LOC400499: variants seen among roughly 807,000 people sequenced by gnomAD.
the LOC400499 span, chr16:11,399,194 C>T: frequency 5.9e-3 from 5,803 of 985,046 alleles, 225 homozygotes; most frequent in African/African-American, 0.092. Context: ...CGCCCCCTCC[C>T]GAGAAGCCCC....
At chr16:11,487,944 T>C in the LOC400499 span, among the ~76,000 whole-genome samples, 2 of 151,878 alleles carry the variant, frequency 1.3e-5, no homozygotes, top group Non-Finnish European at 2.9e-5. Flanking sequence ...TGAAACCCCA[T>C]CTCCACTAAT....
At chr16:11,452,904 C>T in the LOC400499 span, among the ~76,000 whole-genome samples, 361 of 152,328 alleles carry the variant, frequency 2.4e-3, 1 homozygote, top group African/African-American at 8.3e-3. Context: ...CCAGTTACTC[C>T]AAAGGTGAAT....
At chr16:11,450,264 T>C in the LOC400499 span, among the ~76,000 whole-genome samples, 1 of 152,246 alleles carries the variant, frequency 6.6e-6, no homozygotes, top group African/African-American at 2.4e-5. Context: ...GTAGTCGGCA[T>C]CAAACCGACT....
chr16:11,415,181 AC>A, the LOC400499 span, among the ~76,000 whole-genome samples: 12 of 151,666 alleles, frequency 7.9e-5, no homozygotes, highest in Non-Finnish European at 1.5e-4. Flanking sequence ...CCTTCCCATC[AC>A]CCCCTACAGA....
chr16:11,465,469 G>C, the LOC400499 span: 1 of 152,164 alleles, frequency 6.6e-6, no homozygotes, highest in Non-Finnish European at 1.5e-5. Flanking sequence ...ATGGAGGGCA[G>C]ACACAGAACT....
At chr16:11,407,862 G>A in the LOC400499 span, among the ~76,000 whole-genome samples, 1 of 151,996 alleles carries the variant, frequency 6.6e-6, no homozygotes, top group Non-Finnish European at 1.5e-5. Flanking sequence ...TAACTTCCAG[G>A]TTGGCTGAAA....
chr16:11,428,637 T>C, the LOC400499 span, among the ~76,000 whole-genome samples: 1 of 152,210 alleles, frequency 6.6e-6, no homozygotes, highest in Non-Finnish European at 1.5e-5. Flanking sequence ...TACTGAAACC[T>C]GTTTTATCAG....
the LOC400499 span, among the ~76,000 whole-genome samples, chr16:11,486,210 G>A: frequency 7.5e-6 from 1 of 133,118 alleles, no homozygotes; most frequent in Non-Finnish European, 1.6e-5. Context: ...TGGATGAATG[G>A]ATGATGGGTG....
the LOC400499 span, among the ~76,000 whole-genome samples, chr16:11,465,975 A>G: frequency 1.3e-5 from 2 of 152,204 alleles, no homozygotes; most frequent in Admixed American, 1.3e-4. Context: ...ATTGTTAAGA[A>G]TTTACTCTGC....
At chr16:11,397,964 C>T in the LOC400499 span, among the ~76,000 whole-genome samples, 1 of 152,162 alleles carries the variant, frequency 6.6e-6, no homozygotes, top group African/African-American at 2.4e-5. Flanking sequence ...ATGGAAGAAC[C>T]AATCAACCAG....
chr16:11,441,448 C>A, the LOC400499 span, among the ~76,000 whole-genome samples: 1 of 152,304 alleles, frequency 6.6e-6, no homozygotes, highest in East Asian at 1.9e-4. Flanking sequence ...CTAGTTATAG[C>A]CTGAAACCCC....
At chr16:11,399,469 C>T in the LOC400499 span, 6 of 399,582 alleles carry the variant, frequency 1.5e-5, no homozygotes, top group Admixed American at 8.8e-5. Flanking sequence ...CCCCTGACCT[C>T]ACCTCGTAGG....
chr16:11,477,260 G>C, the LOC400499 span, among the ~76,000 whole-genome samples: 2 of 152,254 alleles, frequency 1.3e-5, no homozygotes, highest in African/African-American at 4.8e-5. Context: ...ACGCCAGAGA[G>C]CACCCAGCCT....
chr16:11,454,386 C>T, the LOC400499 span, among the ~76,000 whole-genome samples: 2,089 of 152,262 alleles, frequency 0.014, 25 homozygotes, highest in Non-Finnish European at 0.021. Flanking sequence ...GGGGTCATTG[C>T]AGATATCATT....
At chr16:11,480,710 A>G in the LOC400499 span, among the ~76,000 whole-genome samples, 3 of 152,254 alleles carry the variant, frequency 2.0e-5, no homozygotes, top group African/African-American at 7.2e-5. Flanking sequence ...GTATAAATAC[A>G]CACGTTCCCT....
At chr16:11,487,181 A>T in the LOC400499 span, 4 of 398,462 alleles carry the variant, frequency 1.0e-5, no homozygotes, top group Non-Finnish European at 1.8e-5. Flanking sequence ...ATGGATGGAC[A>T]GACAGGTAAG....
At chr16:11,491,559 G>C in the LOC400499 span, 2 of 389,202 alleles carry the variant, frequency 5.1e-6, no homozygotes, top group Non-Finnish European at 4.5e-6. Flanking sequence ...CAGTGTGGTA[G>C]AGAAACAGGG....
the LOC400499 span, chr16:11,391,584 C>T: frequency 8.7e-7 from 1 of 1,147,528 alleles, no homozygotes; most frequent in Non-Finnish European, 1.1e-6. Flanking sequence ...TGCCACAGGC[C>T]AATGTGAGCG....
chr16:11,511,374 A>C, the LOC400499 span, among the ~76,000 whole-genome samples: 1 of 152,184 alleles, frequency 6.6e-6, no homozygotes, highest in African/African-American at 2.4e-5. Context: ...AAAGAAACTG[A>C]GGCACAGAGA....
Sources: gnomAD v4.1 joint callset for allele counts (sites outside exome capture counted in the v4.1 genomes callset) on GRCh38, gnomAD v4.1.1 for gene constraint, MANE v1.5 for transcripts.